The following SAMD4B variants were observed in gnomAD, a reference collection of about 807,000 sequenced individuals.
The protein encoded by SAMD4B is sterile alpha motif domain containing 4B.
A neutral mutation model predicts 74.5 loss-of-function variants in SAMD4B; 5 were observed. The observed-to-expected ratio is 0.07, with a 90% CI of 0.04 to 0.14. The LOEUF (loss-of-function observed/expected upper bound fraction) is 0.14. Among genes scored for constraint, SAMD4B ranks in the 10% least tolerant of loss-of-function variants. The pLI, the probability that SAMD4B is intolerant of heterozygous loss-of-function variation, is 1.00. For missense variants in SAMD4B, 608 were observed against 921.8 expected, an observed-to-expected ratio of 0.66 and a Z score of 4.41; for synonymous variants, 373 against 374.9, an observed-to-expected ratio of 1.00 and a Z score of 0.06.
chr19:39,343,310 C>T (rs1199095536), intron 1 of SAMD4B, among the ~76,000 whole-genome samples: 1 of 150,586 alleles, frequency 6.6e-6, no homozygotes, highest in African/African-American at 2.5e-5. Flanking sequence ...ATACCCCCTG[C>T]ATTTCTGATT....
intron 3 of SAMD4B, among the ~76,000 whole-genome samples, chr19:39,363,361 CTTG>C (rs1385088393): frequency 3.3e-5 from 5 of 152,104 alleles, no homozygotes; most frequent in Admixed American, 6.5e-5. Flanking sequence ...TTCATCATTG[CTTG>C]TTGTACTTCT....
In SAMD4B at chr19:39,378,443, C is replaced by CT; in HGVS notation, c.1445-60dup. The CT allele has an allele frequency of 2.0e-6, 3 of 1,488,912 alleles. No homozygotes were observed. Among genetic ancestry groups the CT allele is most frequent in the Non-Finnish European group, 2.8e-6 (3 of 1,068,932 alleles). The allele number at this position is 1,488,912 out of a possible 1,614,324, so 92.2% of individuals were successfully genotyped here. On this transcript the variant is annotated intron_variant, in intron 8 of 13. Transcript: ENST00000610417. This position sits in a 1 kb window ranked among gnomAD's most constrained non-coding sequence, Gnocchi z 4.4. ...TTCTTGTGCACGAGCCAGCTGGAGG[C>CT]TGGAACATGGCAGAGGGCATACTAG...
At position 39,378,087 on chromosome 19, in the gene SAMD4B, A is replaced by G. The variant is rs1378016829; in HGVS notation, c.1444+263A>G. Among the ~76,000 whole-genome samples, 1 of 152,188 alleles carries G rather than the reference A, an allele frequency of 6.6e-6. No individual in the cohort carries two copies. The highest frequency in any genetic ancestry group is 2.4e-5 in the African/African-American group (1 of 41,468). On this transcript the variant is annotated intron_variant, in intron 8 of 13. Coordinates refer to ENST00000610417, the MANE Select transcript of SAMD4B (RefSeq NM_001384574.2). The surrounding 1 kb of genome is among the most constrained non-coding windows in gnomAD (Gnocchi z 4.4). Reference sequence around the variant, plus strand: ...GGGGCAGTGGGTCAGAAGAAATTCCATGTAGTAAAGGGTGAGCAGTTGAGG... The same window carrying G: ...GGGGCAGTGGGTCAGAAGAAATTCCGTGTAGTAAAGGGTGAGCAGTTGAGG...
rs1391991116 is a variant in SAMD4B, at chr19:39,384,154, A to G, written c.*627A>G. On this transcript the variant is annotated 3_prime_UTR_variant, in exon 14 of 14. Coordinates refer to ENST00000610417, the MANE Select transcript of SAMD4B (RefSeq NM_001384574.2). ...TCTCTATGATTAATTTCTTAGGCCT[A>G]TTTAAGATACATATTTATATAGTTC... The G allele has an allele frequency of 2.1e-5, 4 of 188,696 alleles. No homozygotes were observed. The highest frequency in any genetic ancestry group is 1.6e-4 in the South Asian group (1 of 6,248). 11.7% of individuals were successfully genotyped at this position (188,696 alleles called of 1,614,324 possible).
chr19:39,344,924 C>A (rs141048366), intron 1 of SAMD4B, among the ~76,000 whole-genome samples: 2 of 152,146 alleles, frequency 1.3e-5, no homozygotes, highest in African/African-American at 2.4e-5. Context: ...CTTTCAGAAG[C>A]CTTCTTCCTT....
intron 8 of SAMD4B, 69 bp downstream of exon 8, chr19:39,377,893 C>A: frequency 7.0e-7 from 1 of 1,434,392 alleles, no homozygotes; most frequent in South Asian, 1.3e-5. Context: ...CACCAGGGAT[C>A]AAATCCAAGT....
chr19:39,389,843 T>G, downstream of SAMD4B: 2 of 1,579,096 alleles, frequency 1.3e-6, no homozygotes, highest in Non-Finnish European at 1.7e-6. The surrounding 1 kb of genome is among the most constrained non-coding windows in gnomAD (Gnocchi z 5.3). Flanking sequence ...GGAGCTTCTC[T>G]GGGGAGGAAC....
At chr19:39,382,566 G>A (rs1175260787) in intron 12 of SAMD4B, among the ~76,000 whole-genome samples, 17 of 152,134 alleles carry the variant, frequency 1.1e-4, no homozygotes, top group Admixed American at 1.1e-3. Context: ...TAAACAGCTC[G>A]GACTTTGTCC....
intron 1 of SAMD4B, 22 bp from the exon 2 acceptor site, chr19:39,353,984 A>G (rs2076203637): frequency 6.6e-6 from 1 of 152,166 alleles, no homozygotes; most frequent in Admixed American, 6.5e-5. Context: ...CCATTAATGG[A>G]TATTCCCATT....
In SAMD4B at chr19:39,380,732, G is replaced by T. The variant is rs754924139; in HGVS notation, c.1795G>T (p.Val599Phe). The T allele has an allele frequency of 1.2e-6, 2 of 1,604,680 alleles. No homozygotes were observed. The highest frequency in any genetic ancestry group is 1.1e-5 in the South Asian group (1 of 90,024). The part of the protein sequence containing the change: ...GLLSPSGIGG[V>F]SPRHALTSPS... ...CCTGAGCCCCTCGGGCATTGGGGGT[G>T]TCTCCCCTCGACATGCCCTCACCAG... Residue 599 changes from valine to phenylalanine, a missense_variant, in exon 11 of 14, where the codon GTC becomes TTC. Physicochemically the swap from Val to Phe is conservative, Grantham distance 50. This residue lies in a region of SAMD4B where 167 missense variants were observed against 193.0 expected (regional missense o/e 0.87). Coordinates refer to ENST00000610417, the MANE Select transcript of SAMD4B (RefSeq NM_001384574.2).
chr19:39,356,671 C>G lies in SAMD4B; in HGVS notation c.-205-18C>G, dbSNP rs1030887490. ...TCAGCCCCTTCTTTCTGTTTGACCC[C>G]TTTGCTTCCTTTTTCAGGAAACTGG... On this transcript the variant is annotated intron_variant, in intron 2 of 13. Transcript: ENST00000610417. 1 of 475,100 alleles carries G rather than the reference C, an allele frequency of 2.1e-6. No homozygotes were observed. The highest frequency in any genetic ancestry group is 3.8e-6 in the Non-Finnish European group (1 of 266,090). 29.4% of individuals were successfully genotyped at this position (475,100 alleles called of 1,614,324 possible).
chr19:39,358,650 C>A (rs892469481), intron 3 of SAMD4B, among the ~76,000 whole-genome samples: 7 of 151,994 alleles, frequency 4.6e-5, no homozygotes, highest in Non-Finnish European at 8.8e-5. Flanking sequence ...ATTATATCTA[C>A]CTTCTAGGGT....
At chr19:39,372,183 A>C (rs950014135) in intron 4 of SAMD4B, among the ~76,000 whole-genome samples, 5 of 152,216 alleles carry the variant, frequency 3.3e-5, no homozygotes, top group Non-Finnish European at 5.9e-5. Flanking sequence ...GCATGAAATA[A>C]GCACGGGGTG....
At chr19:39,369,236 T>C (rs897465087) in intron 3 of SAMD4B, 4 of 199,474 alleles carry the variant, frequency 2.0e-5, no homozygotes, top group African/African-American at 9.5e-5. Flanking sequence ...TTCTGGGCTA[T>C]AGTGTGCTAT....
At position 39,385,430 on chromosome 19, in the gene SAMD4B, C is replaced by T. The variant is rs1568370985; in HGVS notation, c.*1903C>T. On this transcript the variant is annotated 3_prime_UTR_variant, in exon 14 of 14. Coordinates refer to ENST00000610417, the MANE Select transcript of SAMD4B (RefSeq NM_001384574.2). ...ACACAGGGAGGCAAGAGCTGCCCCC[C>T]ACCCCACCTGACAGCAGAGTGTGCA... 2.4e-6 allele frequency: 1 copy of T among 415,872 alleles called. No individual in the cohort carries two copies. The highest frequency in any genetic ancestry group is 4.3e-6 in the Non-Finnish European group (1 of 235,172). The allele number at this position is 415,872 out of a possible 1,614,324, so 25.8% of individuals were successfully genotyped here.
At chr19:39,353,685 T>G (rs886423236) in intron 1 of SAMD4B, among the ~76,000 whole-genome samples, 1 of 152,162 alleles carries the variant, frequency 6.6e-6, no homozygotes, top group African/African-American at 2.4e-5. Flanking sequence ...CACTGCAGCC[T>G]CCACCTCCCG....
chr19:39,385,377 G>T lies in SAMD4B; in HGVS notation c.*1850G>T. On this transcript the variant is annotated 3_prime_UTR_variant, in exon 14 of 14. Coordinates refer to ENST00000610417, the MANE Select transcript of SAMD4B (RefSeq NM_001384574.2). ...GGTGAGCTGACTGTGCCTGGCACTG[G>T]GAGGTGGTGAGGGACACCGTCTCAC... The T allele has an allele frequency of 2.5e-6, 1 of 404,432 alleles. No homozygotes were observed. The allele number at this position is 404,432 out of a possible 1,614,324, so 25.1% of individuals were successfully genotyped here. A position where few individuals can be genotyped will look rare whatever the true frequency, so the allele number is the denominator to read the frequency against.
At chr19:39,381,354 C>T in intron 12 of SAMD4B, 1 of 458,180 alleles carries the variant, frequency 2.2e-6, no homozygotes, top group South Asian at 3.8e-5. Context: ...CTTACTCCTA[C>T]CCCATCTCAT....
intron 1 of SAMD4B, among the ~76,000 whole-genome samples, chr19:39,348,976 C>T (rs564848285): frequency 6.6e-6 from 1 of 152,298 alleles, no homozygotes; most frequent in East Asian, 1.9e-4. Flanking sequence ...TGTCTTCCTT[C>T]TCAGTAGGTA....
Sources: gnomAD v4.1 joint callset for allele counts (sites outside exome capture counted in the v4.1 genomes callset) on GRCh38, gnomAD v4.1.1 for gene constraint, gnomAD v4.1.1 regional missense constraint, Gnocchi (gnomAD v3.1) non-coding constraint, MANE v1.5 for transcripts, NCBI Gene and HGNC (gene_info 2026-07-23, HGNC 2026-07-21) for gene names.